The following PAK4 variants were observed in gnomAD, a reference collection of about 807,000 sequenced individuals.
The protein encoded by PAK4 is p21 (RAC1) activated kinase 4.
Under a neutral mutation model 53.5 loss-of-function variants are expected in PAK4, and 49 were observed. The ratio of observed to expected loss-of-function variants is 0.92; its 90% CI spans 0.73 to 1.16. PAK4 has a LOEUF of 1.16. PAK4 is among the 50% of genes most tolerant of loss of function. The pLI, the probability that PAK4 is intolerant of heterozygous loss-of-function variation, is 0.00. For synonymous variants in PAK4, 376 were observed against 375.6 expected, an observed-to-expected ratio of 1.00 and a Z score of -0.01; for missense variants, 824 against 850.7, an observed-to-expected ratio of 0.97 and a Z score of 0.39.
chr19:39,160,407 G>A (rs1281015176), intron 1 of PAK4, among the ~76,000 whole-genome samples: 1 of 152,196 alleles, frequency 6.6e-6, no homozygotes, highest in African/African-American at 2.4e-5. Flanking sequence ...CATTCTGCTG[G>A]GGGCACTGCC....
At chr19:39,144,605 G>A (rs2073969468) in intron 1 of PAK4, among the ~76,000 whole-genome samples, 1 of 152,230 alleles carries the variant, frequency 6.6e-6, no homozygotes. Context: ...GATTGAGAGT[G>A]CCTGGTATGT....
At chr19:39,143,577 A>T (rs148310786) in intron 1 of PAK4, among the ~76,000 whole-genome samples, 2,828 of 127,088 alleles carry the variant, frequency 0.022, 63 homozygotes, top group African/African-American at 0.055. Context: ...TGGGTGACAG[A>T]GCAAGACTCT....
chr19:39,146,926 G>GAGAAA (rs953653612), intron 1 of PAK4, among the ~76,000 whole-genome samples: 26 of 151,600 alleles, frequency 1.7e-4, no homozygotes, highest in East Asian at 7.8e-4. Context: ...AGGAGAGAGG[G>GAGAAA]AGAAAAGAAA....
At chr19:39,156,312 G>C (rs2074180146) in intron 1 of PAK4, among the ~76,000 whole-genome samples, 1 of 147,320 alleles carries the variant, frequency 6.8e-6, no homozygotes. Flanking sequence ...CCTGCACCTA[G>C]TGGCCCCTGT....
chr19:39,137,089 G>A (rs760354264), intron 1 of PAK4, among the ~76,000 whole-genome samples: 6 of 152,204 alleles, frequency 3.9e-5, no homozygotes, highest in Non-Finnish European at 7.3e-5. Context: ...AGGTGTTCCT[G>A]GACATTCCTG....
rs542626995 is a variant in PAK4, at chr19:39,139,624, C to A, written c.-23+13705C>A. On this transcript the variant is annotated intron_variant, in intron 1 of 8. Transcript: ENST00000358301. ...AGGGCCTTCTGGGTACTGCCCTCCCCCCACTCCATCAGTCTGTCTCAGTCT... is the reference window on the plus strand; with the variant it reads ...AGGGCCTTCTGGGTACTGCCCTCCCACCACTCCATCAGTCTGTCTCAGTCT... Among the ~76,000 whole-genome samples, 3 of 152,306 alleles carry A rather than the reference C, an allele frequency of 2.0e-5. No individual in the cohort carries two copies. The South Asian group carries it at 6.2e-4, about 32-fold the overall frequency.
intron 1 of PAK4, among the ~76,000 whole-genome samples, chr19:39,166,388 G>A (rs2144799554): frequency 6.6e-6 from 1 of 152,352 alleles, no homozygotes; most frequent in African/African-American, 2.4e-5. Context: ...AGGTTGCAGT[G>A]AGCCAAGATC....
chr19:39,174,051 C>G, intron 4 of PAK4, 41 bp downstream of exon 5: 1 of 1,261,490 alleles, frequency 7.9e-7, no homozygotes. Flanking sequence ...GGTCCTCCCA[C>G]CCCTCCCTCC....
chr19:39,134,761 G>C (rs2145117124), intron 1 of PAK4: 1 of 149,772 alleles, frequency 6.7e-6, no homozygotes, highest in African/African-American at 2.5e-5. Context: ...CGCTATGCCT[G>C]GCTAATTTTT....
chr19:39,133,379 GCTTT>G (rs1568496229), intron 1 of PAK4, among the ~76,000 whole-genome samples: 1 of 152,208 alleles, frequency 6.6e-6, no homozygotes, highest in East Asian at 1.9e-4. Flanking sequence ...CTGTTTGAGT[GCTTT>G]CTGTGAACTA....
chr19:39,136,270 G>A (rs763962588), intron 1 of PAK4, among the ~76,000 whole-genome samples: 4 of 151,496 alleles, frequency 2.6e-5, no homozygotes, highest in Non-Finnish European at 5.9e-5. Context: ...AGAGGTAGCC[G>A]TGCACACCTG....
intron 1 of PAK4, among the ~76,000 whole-genome samples, chr19:39,131,341 A>C (rs1312369278): frequency 6.6e-6 from 1 of 152,078 alleles, no homozygotes; most frequent in African/African-American, 2.4e-5. Flanking sequence ...TACCTCCCTC[A>C]GGGCCTCCCT....
At chr19:39,133,061 C>T (rs753716798) in intron 1 of PAK4, among the ~76,000 whole-genome samples, 9 of 152,204 alleles carry the variant, frequency 5.9e-5, no homozygotes, top group African/African-American at 9.7e-5. Context: ...ACCTTGGCTC[C>T]GTTCTGGAGC....
Position 39,173,173 on chromosome 19 carries a change from G to A in PAK4, c.460G>A (p.Ala154Thr), listed in dbSNP as rs968639491. The A allele has an allele frequency of 1.3e-6, 2 of 1,541,442 alleles. No homozygotes were observed. The highest frequency in any genetic ancestry group is 1.8e-6 in the Non-Finnish European group (2 of 1,141,290). The stretch of plus-strand genomic sequence containing the variant: ...TGGCGGCAGTGGTGACAGGCGACGG[G>A]CGGGGCCAGAGAAGAGGCCCAAGTC... The change falls in exon 3 of 9, where the codon GCG becomes ACG. Residue 154 changes from alanine to threonine, a missense_variant. Coordinates refer to ENST00000358301, the Ensembl canonical transcript of PAK4. The surrounding 1 kb of genome is among the most constrained non-coding windows in gnomAD (Gnocchi z 6.9).
At position 39,133,494 on chromosome 19, in the gene PAK4, G is replaced by C. The variant is rs149617497; in HGVS notation, c.-23+7575G>C. 8.7e-3 allele frequency among the ~76,000 whole-genome samples: 1,324 copies of C among 152,258 alleles called. 16 individuals are homozygous for C. Among genetic ancestry groups the C allele is most frequent in the Non-Finnish European group, 9.8e-3 (664 of 68,016 alleles). On this transcript the variant is annotated intron_variant, in intron 1 of 8. Transcript: ENST00000358301. ...GCCTGGGGGACCTGGCCCCGTCACA[G>C]AGCAAGAGGAACTGGGATTTGGATG...
intron 4 of PAK4, 147 bp downstream of exon 5, chr19:39,174,157 C>T (rs2074554574): frequency 1.6e-6 from 1 of 626,968 alleles, no homozygotes; most frequent in Non-Finnish European, 2.8e-6. Flanking sequence ...CAGGCCGTCT[C>T]GTCCGCCCCA....
rs193291853 is a variant in PAK4 at position 39,159,514 on chromosome 19, T to G, written c.-22-10018T>G. On this transcript the variant is annotated intron_variant, in intron 1 of 8. Transcript: ENST00000358301. ...GATTCTCGTGCCTCAGCCTCCCAAG[T>G]AGCTGGGACTAGAGGCACATGCCAC... 4.0e-4 allele frequency among the ~76,000 whole-genome samples: 61 copies of G among 152,264 alleles called. No homozygotes were observed. The East Asian group carries it at 7.4e-3, about 18-fold the overall frequency.
chr19:39,178,648 G>A lies in PAK4; in HGVS notation c.*69G>A. The stretch of plus-strand genomic sequence containing the variant: ...CCCCGCCCCACTGAGGCCAGTAGGG[G>A]GCCAGGCCTCCCACTCCTCCCAGCC... On this transcript the variant is annotated 3_prime_UTR_variant, in exon 9 of 9. Transcript: ENST00000358301. This position sits in a 1 kb window ranked among gnomAD's most constrained non-coding sequence, Gnocchi z 4.4. 1 of 1,394,240 alleles carries A rather than the reference G, an allele frequency of 7.2e-7. No homozygotes were observed. Among genetic ancestry groups the A allele is most frequent in the Non-Finnish European group, 9.7e-7 (1 of 1,029,148 alleles). The allele number at this position is 1,394,240 out of a possible 1,614,324, so 86.4% of individuals were successfully genotyped here.
At chr19:39,139,371 A>G (rs1229187745) in intron 1 of PAK4, among the ~76,000 whole-genome samples, 1 of 152,136 alleles carries the variant, frequency 6.6e-6, no homozygotes, top group Non-Finnish European at 1.5e-5. Flanking sequence ...CGGGGTACCC[A>G]GCGGGATAAA....
Sources: allele counts gnomAD v4.1 joint callset (sites outside exome capture counted in the v4.1 genomes callset), GRCh38; gene constraint gnomAD v4.1.1; non-coding constraint Gnocchi (gnomAD v3.1); transcripts MANE v1.5; gene names NCBI Gene and HGNC (gene_info 2026-07-23, HGNC 2026-07-21).